The following ERBB4 variants were observed in gnomAD, a reference collection of about 807,000 sequenced individuals.
ERBB4 encodes erb-b2 receptor tyrosine kinase 4, also known as receptor tyrosine-protein kinase erbB-4.
Under a neutral mutation model 158.0 loss-of-function variants are expected in ERBB4, and 42 were observed. The ratio of observed to expected loss-of-function variants is 0.27; its 90% confidence interval spans 0.21 to 0.34. ERBB4 has a LOEUF of 0.34. Ranked by LOEUF, ERBB4 falls within the 10% of genes least tolerant of loss-of-function variation. The pLI, the probability that ERBB4 is intolerant of heterozygous loss-of-function variation, is 1.00. For synonymous variants in ERBB4, 583 were observed against 558.7 expected (o/e 1.04, Z -0.61); for missense variants, 1,333 against 1,624.1 (o/e 0.82, Z 3.08).
At chr2:211,518,026 A>G (rs947777029) in intron 20 of ERBB4, among the ~76,000 whole-genome samples, 5 of 152,036 alleles carry the variant, frequency 3.3e-5, no homozygotes, top group African/African-American at 9.7e-5. Flanking sequence ...GTCCTCACTA[A>G]TCACACCATA....
At chr2:212,333,050 G>A (rs929798632) in intron 1 of ERBB4, among the ~76,000 whole-genome samples, 2 of 152,056 alleles carry the variant, frequency 1.3e-5, no homozygotes, top group African/African-American at 4.8e-5. Flanking sequence ...AATCCCTAGA[G>A]AGGATTTGTG....
chr2:211,638,163 C>CTT (rs201437626), intron 16 of ERBB4, among the ~76,000 whole-genome samples: 1 of 147,326 alleles, frequency 6.8e-6, no homozygotes, highest in Non-Finnish European at 1.5e-5. Flanking sequence ...AAATGGTTTT[C>CTT]TTTTTTTTTT....
intron 3 of ERBB4, among the ~76,000 whole-genome samples, chr2:211,894,718 G>A (rs945425226): frequency 3.3e-5 from 5 of 152,146 alleles, no homozygotes; most frequent in Admixed American, 2.6e-4. Flanking sequence ...CAAACTGTTG[G>A]TGATTCTGTG....
At chr2:211,399,115 G>A (rs1424798677) in intron 25 of ERBB4, among the ~76,000 whole-genome samples, 1 of 152,090 alleles carries the variant, frequency 6.6e-6, no homozygotes, top group Non-Finnish European at 1.5e-5. Context: ...ATGAAAAATT[G>A]TCAGTAGCTT....
At position 211,424,320 on chromosome 2, in the gene ERBB4, T is replaced by C. The variant is rs994962089; in HGVS notation, c.2720-19A>G. On this transcript the variant is annotated intron_variant, in intron 22 of 27. Transcript: ENST00000342788. ...GTAACTCCTATATTGGAGAAAAAAT[T>C]CTTACTTAAGCATATTAACAACATA... The C allele has an allele frequency of 2.5e-6, 4 of 1,601,108 alleles. No individual in the cohort carries two copies. Among genetic ancestry groups the C allele is most frequent in the Non-Finnish European group, 3.4e-6 (4 of 1,169,200 alleles).
At position 211,383,930 on chromosome 2, in the gene ERBB4, A is replaced by G. The variant is rs2125311274; in HGVS notation, c.3612T>C (p.Asn1204=). 2 of 1,614,106 alleles carry G rather than the reference A, an allele frequency of 1.2e-6. No individual in the cohort carries two copies. The highest frequency in any genetic ancestry group is 8.5e-7 in the Non-Finnish European group (1 of 1,180,014). Reference sequence around the variant, plus strand: ...CAAAGGTGTTGAGGTACAGTGGCTCATTCACATACTCATCCTCGGCCTTGG... The same window carrying G: ...CAAAGGTGTTGAGGTACAGTGGCTCGTTCACATACTCATCCTCGGCCTTGG... The part of the protein sequence containing the change: ...GPPKAEDEYV[N]EPLYLNTFAN... Residue 1204 remains asparagine, a synonymous_variant, in exon 28 of 28, where the codon AAT becomes AAC. Coordinates refer to ENST00000342788, the MANE Select transcript of ERBB4 (RefSeq NM_005235.3).
At chr2:211,648,381 G>A (rs966347856) in intron 16 of ERBB4, among the ~76,000 whole-genome samples, 9 of 149,400 alleles carry the variant, frequency 6.0e-5, no homozygotes, top group African/African-American at 2.2e-4. Context: ...GTAAATGCAT[G>A]TAAATAATAT....
intron 3 of ERBB4, among the ~76,000 whole-genome samples, chr2:211,833,994 G>A (rs1353854734): frequency 6.6e-6 from 1 of 151,992 alleles, no homozygotes; most frequent in Non-Finnish European, 1.5e-5. Context: ...CTATGAAAAC[G>A]AGTGTAGTCG....
At chr2:211,662,622 A>C (rs1235740883) in intron 15 of ERBB4, among the ~76,000 whole-genome samples, 1 of 152,180 alleles carries the variant, frequency 6.6e-6, no homozygotes, top group African/African-American at 2.4e-5. Context: ...TATCTAGTCA[A>C]GGTAAGAAGA....
intron 20 of ERBB4, among the ~76,000 whole-genome samples, chr2:211,461,723 T>C (rs1296652516): frequency 2.6e-5 from 4 of 151,866 alleles, no homozygotes; most frequent in Admixed American, 6.6e-5. Flanking sequence ...TGCTGAACCA[T>C]TGAGAAAACA....
chr2:212,375,988 C>T (rs1317430317), intron 1 of ERBB4, among the ~76,000 whole-genome samples: 3 of 152,070 alleles, frequency 2.0e-5, no homozygotes, highest in African/African-American at 4.8e-5. Context: ...GTGGCAGACC[C>T]ATCCACATCA....
At chr2:212,446,817 A>G (rs973771386) in intron 1 of ERBB4, among the ~76,000 whole-genome samples, 1 of 150,020 alleles carries the variant, frequency 6.7e-6, no homozygotes, top group Non-Finnish European at 1.5e-5. Flanking sequence ...TAATTAGGTA[A>G]AGCTGAAGTT....
intron 1 of ERBB4, among the ~76,000 whole-genome samples, chr2:212,215,079 G>C (rs1217876933): frequency 6.6e-6 from 1 of 151,604 alleles, no homozygotes; most frequent in Non-Finnish European, 1.5e-5. Flanking sequence ...TGATAACTTT[G>C]AGGGGAAGAG....
At chr2:212,040,229 A>G (rs886391637) in intron 2 of ERBB4, among the ~76,000 whole-genome samples, 12 of 151,976 alleles carry the variant, frequency 7.9e-5, no homozygotes, top group Admixed American at 2.0e-4. Flanking sequence ...AAATATATGT[A>G]CTTTTTAAGT....
intron 3 of ERBB4, among the ~76,000 whole-genome samples, chr2:211,931,871 G>C (rs951619378): frequency 2.0e-5 from 3 of 152,014 alleles, no homozygotes; most frequent in African/African-American, 7.2e-5. Context: ...AACTGCATAA[G>C]AAAAGTGGAC....
At chr2:212,273,626 C>CA (rs1163683249) in intron 1 of ERBB4, among the ~76,000 whole-genome samples, 7 of 151,750 alleles carry the variant, frequency 4.6e-5, no homozygotes, top group Non-Finnish European at 1.0e-4. Context: ...CATCCCCACA[C>CA]AAAAAAGTAA....
At chr2:212,198,513 T>C (rs2082496040) in intron 1 of ERBB4, among the ~76,000 whole-genome samples, 1 of 152,184 alleles carries the variant, frequency 6.6e-6, no homozygotes, top group Non-Finnish European at 1.5e-5. Context: ...AAATGGTCAA[T>C]CGTATTGTAG....
intron 4 of ERBB4, among the ~76,000 whole-genome samples, chr2:211,783,026 G>GTT: frequency 6.6e-5 from 10 of 151,816 alleles, no homozygotes; most frequent in African/African-American, 1.7e-4. Context: ...TCTTCCATTT[G>GTT]TGTCCTATTT....
intron 2 of ERBB4, among the ~76,000 whole-genome samples, chr2:212,065,107 A>T (rs2077903293): frequency 6.6e-6 from 1 of 151,526 alleles, no homozygotes; most frequent in Non-Finnish European, 1.5e-5. Context: ...GGTTTTACTA[A>T]TCACCCCTAC....
Sources: gnomAD v4.1 joint callset for allele counts (sites outside exome capture counted in the v4.1 genomes callset) on GRCh38, gnomAD v4.1.1 for gene constraint, MANE v1.5 for transcripts, NCBI Gene and HGNC (gene_info 2026-07-23, HGNC 2026-07-21) for gene names.